Variants in MYT1L observed in about 807,000 individuals in gnomAD.
MYT1L encodes myelin transcription factor 1-like protein.
MYT1L carries 12 observed loss-of-function variants against 126.7 expected under a neutral mutation model. That is an observed-to-expected ratio of 0.09 (90% CI 0.06 to 0.15). MYT1L has a LOEUF of 0.15. MYT1L is among the 10% of genes least tolerant of loss of function. MYT1L has a pLI of 1.00. For synonymous variants in MYT1L, 541 were observed against 604.2 expected (o/e 0.90, Z 1.53); for missense variants, 979 against 1,585.2 (o/e 0.62, Z 6.49).
At chr2:2,047,147 A>G (rs2068281167) in intron 4 of MYT1L, among the ~76,000 whole-genome samples, 1 of 152,164 alleles carries the variant, frequency 6.6e-6, no homozygotes, top group Admixed American at 6.5e-5. Context: ...TAAAATTTCC[A>G]CCTTTCTACA....
chr2:1,923,486 ATTAAT>A (rs1490683229), intron 9 of MYT1L, among the ~76,000 whole-genome samples: 5 of 152,232 alleles, frequency 3.3e-5, no homozygotes, highest in African/African-American at 1.2e-4. Context: ...GTTGTGAATT[ATTAAT>A]TTCTTTAATG....
intron 3 of MYT1L, among the ~76,000 whole-genome samples, chr2:2,065,823 TACACACACACACACACACACACACGC>T (rs1193335426): frequency 6.9e-6 from 1 of 144,820 alleles, no homozygotes; most frequent in African/African-American, 2.6e-5. Context: ...CTCTCTTTTA[TACACACACACACACACACACACACGC>T]ACACACACAC....
intron 13 of MYT1L, among the ~76,000 whole-genome samples, chr2:1,906,704 ACTGT>A (rs1171923050): frequency 6.6e-6 from 1 of 152,106 alleles, no homozygotes; most frequent in African/African-American, 2.4e-5. Flanking sequence ...GTAATAATTG[ACTGT>A]CTATTGTCCT....
chr2:2,014,563 C>A (rs2064178238), intron 4 of MYT1L, among the ~76,000 whole-genome samples: 1 of 152,234 alleles, frequency 6.6e-6, no homozygotes, highest in South Asian at 2.1e-4. Context: ...CAGGCGTCTG[C>A]TTGCTGGCAG....
chr2:2,256,403 A>G (rs530207908), intron 2 of MYT1L, among the ~76,000 whole-genome samples: 50 of 152,384 alleles, frequency 3.3e-4, no homozygotes, highest in African/African-American at 1.1e-3. Flanking sequence ...TTTTATAAAT[A>G]AGGGGTTTTA....
At chr2:2,202,731 CA>C (rs1463979483) in intron 2 of MYT1L, among the ~76,000 whole-genome samples, 3 of 152,226 alleles carry the variant, frequency 2.0e-5, no homozygotes, top group East Asian at 1.9e-4. Context: ...GAAACTATTC[CA>C]ATCAATAGAA....
intron 22 of MYT1L, 94 bp downstream of exon 22, chr2:1,808,982 T>G: frequency 2.0e-5 from 22 of 1,085,748 alleles, no homozygotes; most frequent in Non-Finnish European, 2.7e-5. Context: ...CTAAGAAAAG[T>G]GAGCTGTAAC....
intron 2 of MYT1L, among the ~76,000 whole-genome samples, chr2:2,262,504 A>C (rs886693540): frequency 3.9e-5 from 6 of 152,000 alleles, no homozygotes; most frequent in African/African-American, 1.4e-4. Flanking sequence ...CATCCAGGCT[A>C]ACACAGTGAA....
intron 21 of MYT1L, chr2:1,825,866 TC>T (rs1011027456): frequency 6.6e-6 from 1 of 152,324 alleles, no homozygotes; most frequent in African/African-American, 2.4e-5. Flanking sequence ...TGCGTGGGCC[TC>T]TGTCCTTGAG....
chr2:2,314,389 C>G (rs1246737010), intron 1 of MYT1L, among the ~76,000 whole-genome samples: 1 of 152,080 alleles, frequency 6.6e-6, no homozygotes, highest in African/African-American at 2.4e-5. Context: ...ATCTATTTAC[C>G]ACACATACCA....
chr2:1,867,506 TGTTC>T (rs2045735567), intron 18 of MYT1L, among the ~76,000 whole-genome samples: 1 of 152,146 alleles, frequency 6.6e-6, no homozygotes, highest in Non-Finnish European at 1.5e-5. Context: ...GTCTCAAGGG[TGTTC>T]CTTGCCTCTG....
intron 3 of MYT1L, among the ~76,000 whole-genome samples, chr2:2,092,493 T>C (rs1010424020): frequency 1.3e-5 from 2 of 152,244 alleles, no homozygotes; most frequent in African/African-American, 4.8e-5. Context: ...ATTGTAAGAA[T>C]TTCCAAAATG....
chr2:2,239,008 C>G (rs1318765070), intron 2 of MYT1L, among the ~76,000 whole-genome samples: 1 of 152,196 alleles, frequency 6.6e-6, no homozygotes, highest in Admixed American at 6.5e-5. Context: ...CCTGGGGGAC[C>G]CTGACCCAGC....
At chr2:2,150,086 G>A (rs566920140) in intron 3 of MYT1L, among the ~76,000 whole-genome samples, 3 of 152,074 alleles carry the variant, frequency 2.0e-5, no homozygotes, top group African/African-American at 4.8e-5. Context: ...CCTTTACACC[G>A]GTGGGACAGG....
At chr2:2,297,861 T>A (rs1478281939) in intron 1 of MYT1L, among the ~76,000 whole-genome samples, 1 of 152,152 alleles carries the variant, frequency 6.6e-6, no homozygotes, top group East Asian at 1.9e-4. Context: ...TCTCTCCCTC[T>A]CTCCCACAAA....
At chr2:2,286,409 T>C (rs1324371500) in intron 1 of MYT1L, among the ~76,000 whole-genome samples, 1 of 152,218 alleles carries the variant, frequency 6.6e-6, no homozygotes, top group Non-Finnish European at 1.5e-5. Context: ...TACTAAAATG[T>C]GGAGGGCATC....
At chr2:1,939,259 G>A (rs909597406) in intron 9 of MYT1L, among the ~76,000 whole-genome samples, 1 of 152,202 alleles carries the variant, frequency 6.6e-6, no homozygotes, top group Admixed American at 6.5e-5. Flanking sequence ...TAGAAAAGGA[G>A]CACAATCAAC....
chr2:2,055,549 T>G (rs2069412856), intron 3 of MYT1L, among the ~76,000 whole-genome samples: 1 of 152,218 alleles, frequency 6.6e-6, no homozygotes, highest in Non-Finnish European at 1.5e-5. Context: ...CTAAATTGAC[T>G]AAGAAAGGTT....
intron 4 of MYT1L, among the ~76,000 whole-genome samples, chr2:2,010,605 G>A (rs1312930001): frequency 6.6e-6 from 1 of 151,998 alleles, no homozygotes; most frequent in Admixed American, 6.5e-5. Context: ...CCCAGTGATC[G>A]ATCCGACGCC....
Sources: gnomAD v4.1 joint callset for allele counts (sites outside exome capture counted in the v4.1 genomes callset) on GRCh38, gnomAD v4.1.1 for gene constraint, MANE v1.5 for transcripts, NCBI Gene and HGNC (gene_info 2026-07-23, HGNC 2026-07-21) for gene names.